DTWD2: variants seen among roughly 807,000 people sequenced by gnomAD.
DTWD2 encodes the protein DTW motif tRNA-uridine aminocarboxypropyltransferase 2.
A neutral mutation model predicts 31.8 loss-of-function variants in DTWD2; 39 were observed. The ratio of observed to expected loss-of-function variants is 1.22; its 90% CI spans 0.95 to 1.60. The LOEUF is 1.60. Ranked by LOEUF, DTWD2 falls within the 40% of genes most tolerant of loss-of-function variation. The pLI, the probability that DTWD2 is intolerant of heterozygous loss-of-function variation, is 0.00. For missense variants in DTWD2, 515 were observed against 381.5 expected, an observed-to-expected ratio of 1.35 and a Z score of -2.92; for synonymous variants, 180 against 142.8, an observed-to-expected ratio of 1.26 and a Z score of -1.86.
At chr5:118,912,966 AC>A (rs1167347269) in intron 4 of DTWD2, among the ~76,000 whole-genome samples, 1 of 152,162 alleles carries the variant, frequency 6.6e-6, no homozygotes, top group Non-Finnish European at 1.5e-5. Context: ...TTGATCCACA[AC>A]GAAAGTCAAC....
intron 5 of DTWD2, among the ~76,000 whole-genome samples, chr5:118,842,898 G>A (rs984324056): frequency 2.7e-5 from 4 of 149,446 alleles, no homozygotes; most frequent in Admixed American, 6.7e-5. Context: ...AGTGAGCCAC[G>A]ATCATACCAC....
intron 3 of DTWD2, among the ~76,000 whole-genome samples, chr5:118,937,186 T>C (rs552246865): frequency 2.0e-5 from 3 of 152,234 alleles, no homozygotes; most frequent in South Asian, 4.1e-4. Flanking sequence ...TAATACACTA[T>C]ATTAACAGAA....
chr5:118,937,778 CCT>C (rs1754077716), intron 3 of DTWD2, among the ~76,000 whole-genome samples: 1 of 152,128 alleles, frequency 6.6e-6, no homozygotes, highest in Non-Finnish European at 1.5e-5. Context: ...GGTTGAATCC[CCT>C]GTTGTTTCCA....
chr5:118,946,281 G>A lies in DTWD2; in HGVS notation c.219-1632C>T, dbSNP rs181750323. ...TCCAATGATTGTTCTGCCCCACACTGGATTTCCTCTCAGGAATATGAGGAG... is the reference window on the plus strand; with the variant it reads ...TCCAATGATTGTTCTGCCCCACACTAGATTTCCTCTCAGGAATATGAGGAG... On this transcript the variant is annotated intron_variant, in intron 1 of 5. Coordinates refer to ENST00000510708, the MANE Select transcript of DTWD2 (RefSeq NM_173666.4). 1.2e-4 allele frequency among the ~76,000 whole-genome samples: 18 copies of A among 152,232 alleles called. No individual in the cohort carries two copies. In the East Asian group the frequency reaches 2.7e-3, roughly 23 times the overall value.
chr5:118,957,073 C>G (rs1214728133), intron 1 of DTWD2, among the ~76,000 whole-genome samples: 1 of 152,120 alleles, frequency 6.6e-6, no homozygotes, highest in Non-Finnish European at 1.5e-5. Flanking sequence ...ATCTCCAAAA[C>G]AGAAGTAGAT....
chr5:118,902,808 T>C (rs1753245127), intron 4 of DTWD2, among the ~76,000 whole-genome samples: 1 of 152,098 alleles, frequency 6.6e-6, no homozygotes, highest in Non-Finnish European at 1.5e-5. Context: ...GATCTTGAGA[T>C]GTGGACTATA....
intron 4 of DTWD2, among the ~76,000 whole-genome samples, chr5:118,864,946 T>A (rs1489004030): frequency 6.6e-6 from 1 of 152,118 alleles, no homozygotes; most frequent in Admixed American, 6.6e-5. Flanking sequence ...CCCTCCCTCC[T>A]CTTAAATGCA....
chr5:118,958,987 A>T (rs558943690), intron 1 of DTWD2, among the ~76,000 whole-genome samples: 2 of 152,334 alleles, frequency 1.3e-5, no homozygotes, highest in South Asian at 4.1e-4. Flanking sequence ...CCCACAGCCA[A>T]CATCATACTG....
At chr5:118,860,796 TTTAAAC>T (rs1406065832) in intron 4 of DTWD2, among the ~76,000 whole-genome samples, 1 of 152,202 alleles carries the variant, frequency 6.6e-6, no homozygotes, top group Non-Finnish European at 1.5e-5. Context: ...TAAGGGCTCA[TTTAAAC>T]TTATTTTTTT....
At chr5:118,845,057 G>C (rs1318365411) in intron 5 of DTWD2, among the ~76,000 whole-genome samples, 1 of 152,138 alleles carries the variant, frequency 6.6e-6, no homozygotes, top group African/African-American at 2.4e-5. Flanking sequence ...TGAGGTGGGA[G>C]GATCACTTAA....
At chr5:118,901,867 C>T (rs369184083) in intron 4 of DTWD2, among the ~76,000 whole-genome samples, 16 of 152,236 alleles carry the variant, frequency 1.1e-4, no homozygotes, top group East Asian at 9.7e-4. Context: ...CTCAGCCTCC[C>T]ATGTAGCTGG....
intron 4 of DTWD2, among the ~76,000 whole-genome samples, chr5:118,851,175 T>A (rs930845866): frequency 2.9e-4 from 40 of 139,034 alleles, no homozygotes; most frequent in African/African-American, 1.1e-3. Flanking sequence ...GCCAAGATCA[T>A]GCCACTGCAC....
chr5:118,933,594 C>G (rs1461391222), intron 3 of DTWD2, among the ~76,000 whole-genome samples: 4 of 152,038 alleles, frequency 2.6e-5, no homozygotes, highest in Non-Finnish European at 5.9e-5. Context: ...TTTGACAAAA[C>G]CCAAAGCCCA....
intron 4 of DTWD2, among the ~76,000 whole-genome samples, chr5:118,891,202 GA>G (rs71621382): frequency 6.1e-5 from 9 of 147,386 alleles, no homozygotes; most frequent in Non-Finnish European, 7.5e-5. Flanking sequence ...TGATTTTTTA[GA>G]AAAAAAAAAT....
intron 3 of DTWD2, among the ~76,000 whole-genome samples, chr5:118,937,859 T>C (rs1396905302): frequency 6.6e-6 from 1 of 152,144 alleles, no homozygotes; most frequent in Non-Finnish European, 1.5e-5. Flanking sequence ...CTTCTTTCCT[T>C]TCATGCATTT....
intron 1 of DTWD2, among the ~76,000 whole-genome samples, chr5:118,963,521 C>T (rs6894997): frequency 0.57 from 86,466 of 152,042 alleles, 25,289 homozygotes; most frequent in East Asian, 0.97. Flanking sequence ...TCTGAACTCC[C>T]TTCTTTACCT....
At chr5:118,848,364 C>T (rs2112675806) in intron 4 of DTWD2, 146 bp from the exon 5 acceptor site, 3 of 665,836 alleles carry the variant, frequency 4.5e-6, no homozygotes, top group Middle Eastern at 4.3e-4. Context: ...GTATAACATC[C>T]TTTTGTTGCA....
intron 4 of DTWD2, among the ~76,000 whole-genome samples, chr5:118,925,346 G>A (rs1326111250): frequency 6.6e-6 from 1 of 152,142 alleles, no homozygotes; most frequent in Non-Finnish European, 1.5e-5. Context: ...TCCCTAAATA[G>A]AGAATGTACA....
intron 1 of DTWD2, among the ~76,000 whole-genome samples, chr5:118,979,494 TC>T (rs1755244686): frequency 6.6e-6 from 1 of 152,142 alleles, no homozygotes; most frequent in African/African-American, 2.4e-5. Flanking sequence ...GACCTAGTAG[TC>T]CCATTACTGG....
Sources: gnomAD v4.1 joint callset for allele counts (sites outside exome capture counted in the v4.1 genomes callset) on GRCh38, gnomAD v4.1.1 for gene constraint, MANE v1.5 for transcripts, NCBI Gene and HGNC (gene_info 2026-07-23, HGNC 2026-07-21) for gene names.